CSMD2: variants seen among roughly 807,000 people sequenced by gnomAD.
CSMD2 encodes the protein CUB and Sushi multiple domains 2, also known as CUB and sushi domain-containing protein 2.
In CSMD2, 130 loss-of-function variants were observed where a neutral mutation model predicts 398.5. The ratio of observed to expected loss-of-function variants is 0.33; its 90% CI spans 0.28 to 0.38. The LOEUF is 0.38. CSMD2 is among the 10% of genes least tolerant of loss of function. The pLI is 1.00. For synonymous variants in CSMD2, 1,828 were observed against 1,908.5 expected (o/e 0.96, Z 1.10); for missense variants, 3,829 against 4,764.9 (o/e 0.80, Z 5.78).
At chr1:33,934,871 G>A (rs1225653026) in intron 4 of CSMD2, among the ~76,000 whole-genome samples, 3 of 150,848 alleles carry the variant, frequency 2.0e-5, no homozygotes, top group Admixed American at 6.6e-5. Context: ...GGGCATGGTG[G>A]CACATGCCTG....
chr1:33,886,019 C>T (rs1457252932), intron 5 of CSMD2, among the ~76,000 whole-genome samples: 1 of 152,108 alleles, frequency 6.6e-6, no homozygotes. Flanking sequence ...CTTAGCCTGG[C>T]CCCAAAGTGC....
chr1:33,550,291 T>C lies in CSMD2; in HGVS notation c.8803A>G (p.Thr2935Ala), dbSNP rs1332299474. 1.2e-6 allele frequency: 2 copies of C among 1,614,190 alleles called. No individual in the cohort carries two copies. The highest frequency in any genetic ancestry group is 1.1e-5 in the South Asian group (1 of 91,082). Residue 2935 changes from threonine to alanine, a missense_variant, in exon 56 of 71, where the codon ACT (threonine) becomes GCT (alanine). Thr to Ala is a moderately conservative substitution (Grantham distance 58). Coordinates refer to ENST00000373381, the MANE Select transcript of CSMD2 (RefSeq NM_001281956.2). ...CTGTACCGCACCACTGCTCCCACAG[T>C]ATAACTGTCTCCAGACATCTGGGAG... is the stretch of plus-strand genomic sequence containing the variant. The part of the protein sequence containing the change: ...PHSQMSGDSY[T>A]VGAVVRYSCI...
Position 33,540,582 on chromosome 1 carries a change from C to T in CSMD2, c.9574G>A (p.Ala3192Thr), listed in dbSNP as rs149335630. ...CLEGYQLSLP[A>T]VFTCEGNGSW... ...CCATTTCCCTCACAGGTGAACACCG[C>T]GGGCAGGGAGAGCTGGTACCCCTCC... Residue 3192 changes from alanine to threonine, a missense_variant, in exon 60 of 71, where the codon GCG (alanine) becomes ACG (threonine). Physicochemically the swap from Ala to Thr is moderately conservative, Grantham distance 58. Around this residue, in one of 5 missense-constraint regions of CSMD2, gnomAD observed 917 missense variants for 1,199.5 expected, o/e 0.76. Coordinates refer to ENST00000373381, the MANE Select transcript of CSMD2 (RefSeq NM_001281956.2). 1.2e-4 allele frequency: 196 copies of T among 1,614,198 alleles called. No individual in the cohort carries two copies. Among genetic ancestry groups the T allele is most frequent in the African/African-American group, 6.9e-4 (52 of 75,034 alleles).
chr1:33,644,873 G>A (rs1443490444), intron 29 of CSMD2, among the ~76,000 whole-genome samples: 1 of 152,070 alleles, frequency 6.6e-6, no homozygotes, highest in Non-Finnish European at 1.5e-5. Context: ...GAGGAAGAAA[G>A]GATGGCAGAA....
intron 41 of CSMD2, chr1:33,606,026 G>A: frequency 6.3e-7 from 1 of 1,594,212 alleles, no homozygotes. Context: ...GGGAGTAGCT[G>A]GGCTAAGGGA....
At chr1:33,651,280 G>T (rs1222684706) in intron 28 of CSMD2, among the ~76,000 whole-genome samples, 2 of 152,194 alleles carry the variant, frequency 1.3e-5, no homozygotes, top group Non-Finnish European at 1.5e-5. Context: ...GAGGCTGCAT[G>T]CCTTGGTTGC....
In CSMD2 at chr1:33,577,487, GAAC is replaced by G. The variant is rs1456062086; in HGVS notation, c.7388-6_7388-4del. 1 of 1,603,586 alleles carries G rather than the reference GAAC, an allele frequency of 6.2e-7. No homozygotes were observed. The highest frequency in any genetic ancestry group is 2.2e-5 in the East Asian group (1 of 44,564). ...CCTGGGCAGGCTGCAGTAAGGGGCT[GAAC>G]AACAAGATGAGGTTCAGGGAACTGG... On this transcript the variant is annotated splice_polypyrimidine_tract_variant and splice_region_variant and intron_variant, in intron 48 of 70. Transcript: ENST00000373381.
intron 1 of CSMD2, among the ~76,000 whole-genome samples, chr1:34,137,966 T>G (rs1038166979): frequency 2.6e-5 from 4 of 152,146 alleles, no homozygotes; most frequent in Non-Finnish European, 5.9e-5. Context: ...TCCAACAAGC[T>G]GCTATTAAGA....
chr1:33,899,065 C>T (rs1184128192), intron 5 of CSMD2, among the ~76,000 whole-genome samples: 1 of 152,202 alleles, frequency 6.6e-6, no homozygotes, highest in African/African-American at 2.4e-5. Flanking sequence ...ACAACTCAGG[C>T]CACAGACCAG....
chr1:33,695,211 G>A (rs1357093473), intron 24 of CSMD2, among the ~76,000 whole-genome samples: 1 of 152,154 alleles, frequency 6.6e-6, no homozygotes, highest in Non-Finnish European at 1.5e-5. Flanking sequence ...GCTGGGGTAT[G>A]AGATAGGGAG....
chr1:34,052,553 A>T (rs967350811), intron 2 of CSMD2, among the ~76,000 whole-genome samples: 4 of 149,406 alleles, frequency 2.7e-5, no homozygotes, highest in Non-Finnish European at 5.9e-5. Context: ...GAGGAGAGAG[A>T]GTATCCTATA....
At position 33,515,138 on chromosome 1, in the gene CSMD2, C is replaced by T. The variant is rs1334140515; in HGVS notation, c.*1486G>A. The T allele has an allele frequency of 6.6e-6, 1 of 152,210 alleles. No homozygotes were observed. The highest frequency in any genetic ancestry group is 1.5e-5 in the Non-Finnish European group (1 of 68,046). The allele number at this position is 152,210 out of a possible 1,614,324, so 9.4% of individuals were successfully genotyped here. Reference sequence around the variant, plus strand: ...CAATTCTCATGGAATTCATGAACGACCCAAGCATGATATAGCTGTCAAAAT... The same window carrying T: ...CAATTCTCATGGAATTCATGAACGATCCAAGCATGATATAGCTGTCAAAAT... On this transcript the variant is annotated 3_prime_UTR_variant, in exon 71 of 71. Coordinates refer to ENST00000373381, the MANE Select transcript of CSMD2 (RefSeq NM_001281956.2).
rs890955776 is a variant in CSMD2 at position 33,716,342 on chromosome 1, A to G, written c.3161T>C (p.Val1054Ala). The G allele has an allele frequency of 2.5e-6, 4 of 1,614,170 alleles. No homozygotes were observed. Among genetic ancestry groups the G allele is most frequent in the Non-Finnish European group, 2.5e-6 (3 of 1,180,030 alleles). The change falls in exon 20 of 71, where the codon GTC becomes GCC. Residue 1054 changes from valine to alanine, a missense_variant. By Grantham distance (64) the Val-to-Ala change is moderately conservative. Coordinates refer to ENST00000373381, the MANE Select transcript of CSMD2 (RefSeq NM_001281956.2). ...CATGGAGAAATCAGAGATGAAGCGGACCTGGGCAGTGAAGTTGCCATAGAG... is the reference window on the plus strand; with the variant it reads ...CATGGAGAAATCAGAGATGAAGCGGGCCTGGGCAGTGAAGTTGCCATAGAG... ...AGLYGNFTAQ[V>A]RFISDFSMSY...
chr1:33,640,362 C>CA (rs1643036004), intron 29 of CSMD2, among the ~76,000 whole-genome samples: 1 of 152,066 alleles, frequency 6.6e-6, no homozygotes, highest in Admixed American at 6.5e-5. Context: ...GGCTCACATA[C>CA]AAAAAAATCA....
chr1:33,609,712 C>T (rs1640870365), intron 41 of CSMD2, among the ~76,000 whole-genome samples: 1 of 151,872 alleles, frequency 6.6e-6, no homozygotes, highest in Admixed American at 6.6e-5. Flanking sequence ...TAGTACGATC[C>T]AATTTTGGCT....
Position 34,139,265 on chromosome 1 carries a change from G to A in CSMD2, c.187+25646C>T, listed in dbSNP as rs937202103. ...ATGGGTTATCATGGGAGTGGAAGTG[G>A]TGGCTTTGTAAGAAGAAGAAGAGAG... On this transcript the variant is annotated intron_variant, in intron 1 of 70. Coordinates refer to ENST00000373381, the MANE Select transcript of CSMD2 (RefSeq NM_001281956.2). Among the ~76,000 whole-genome samples, 4 of 152,224 alleles carry A rather than the reference G, an allele frequency of 2.6e-5. No individual in the cohort carries two copies. The South Asian group carries it at 6.2e-4, about 24-fold the overall frequency.
chr1:33,964,243 T>A (rs1390299328), intron 3 of CSMD2, among the ~76,000 whole-genome samples: 1 of 147,014 alleles, frequency 6.8e-6, no homozygotes, highest in African/African-American at 2.4e-5. Flanking sequence ...GGACTTAACC[T>A]CTCTATGTCT....
chr1:34,150,730 T>G (rs771131), intron 1 of CSMD2, among the ~76,000 whole-genome samples: 64,467 of 151,418 alleles, frequency 0.43, 14,441 homozygotes, highest in Non-Finnish European at 0.47. Context: ...CCGGGCAACA[T>G]AGCAAGACCC....
Position 34,163,882 on chromosome 1 carries a change from A to T in CSMD2, c.187+1029T>A, listed in dbSNP as rs1641589920. Among the ~76,000 whole-genome samples the T allele has an allele frequency of 6.6e-6, 1 of 152,006 alleles. No homozygotes were observed. The highest frequency in any genetic ancestry group is 1.5e-5 in the Non-Finnish European group (1 of 67,988). On this transcript the variant is annotated intron_variant, in intron 1 of 70. Transcript: ENST00000373381. The surrounding 1 kb of genome is among the most constrained non-coding windows in gnomAD (Gnocchi z 5.4). Reference sequence around the variant, plus strand: ...AGCTTCGGAGGGGTGCTGTGGGTAAAGCGGGAGGGCACCAGTCGCGGCCAG... The same window carrying T: ...AGCTTCGGAGGGGTGCTGTGGGTAATGCGGGAGGGCACCAGTCGCGGCCAG...
Sources: gnomAD v4.1 joint callset for allele counts (sites outside exome capture counted in the v4.1 genomes callset) on GRCh38, gnomAD v4.1.1 for gene constraint, gnomAD v4.1.1 regional missense constraint, Gnocchi (gnomAD v3.1) non-coding constraint, MANE v1.5 for transcripts, NCBI Gene and HGNC (gene_info 2026-07-23, HGNC 2026-07-21) for gene names.